The following ALG1L2 variants were observed in gnomAD, a reference collection of about 807,000 sequenced individuals.
The protein encoded by ALG1L2 is putative glycosyltransferase ALG1L2.
Under a neutral mutation model 29.0 loss-of-function variants are expected in ALG1L2, and 32 were observed. That is an observed-to-expected ratio of 1.10 (90% CI 0.83 to 1.48). The LOEUF is 1.48. Among genes scored for constraint, ALG1L2 ranks in the 40% most tolerant of loss-of-function variants. The pLI, the probability that ALG1L2 is intolerant of heterozygous loss-of-function variation, is 0.00. For missense variants in ALG1L2, 318 were observed against 274.1 expected (o/e 1.16, Z -1.13); for synonymous variants, 110 against 109.5 (o/e 1.00, Z -0.03).
Position 130,091,353 on chromosome 3 carries a change from ACT to A in ALG1L2, c.117_118del (p.Pro40ValfsTer8). 1.3e-6 allele frequency: 2 copies of A among 1,596,884 alleles called. No homozygotes were observed. The highest frequency in any genetic ancestry group is 3.3e-5 in the Admixed American group (2 of 59,976). ...CTCTTCATGAAGCTGGGCAGCACGC[ACT>A]CTCCGTTCAGGGCCCGGTAGGCCTC... On this transcript the variant is annotated frameshift_variant, in exon 2 of 8. Transcript: ENST00000425059. LOFTEE classifies it high-confidence loss of function.
intron 7 of ALG1L2, among the ~76,000 whole-genome samples, chr3:130,097,881 C>G (rs1006279029): frequency 3.3e-5 from 5 of 152,202 alleles, no homozygotes; most frequent in African/African-American, 1.2e-4. Flanking sequence ...TTGATTCAGA[C>G]AGTTTAGCAA....
chr3:130,094,754 C>T (rs893499630), intron 5 of ALG1L2, among the ~76,000 whole-genome samples: 7 of 152,192 alleles, frequency 4.6e-5, no homozygotes, highest in African/African-American at 1.7e-4. Context: ...GCCTGCCACG[C>T]CCTCCATTCA....
intron 1 of ALG1L2, among the ~76,000 whole-genome samples, chr3:130,084,401 G>T (rs1386095889): frequency 1.3e-5 from 2 of 148,746 alleles, no homozygotes; most frequent in East Asian, 3.9e-4. Flanking sequence ...AAAGGGGAGA[G>T]GGAAGGTGAC....
Position 130,096,050 on chromosome 3 carries a change from G to T in ALG1L2, c.426G>T (p.Gly142=), listed in dbSNP as rs925331215. ...LEGRGLPPLL[G]SVDLDVCLDT... ...GGCCACACCCCTCTTGCCTAGCAGGGTCGGTGGACCTGGATGTCTGTCTGG... is the reference window on the plus strand; with the variant it reads ...GGCCACACCCCTCTTGCCTAGCAGGTTCGGTGGACCTGGATGTCTGTCTGG... Residue 142 remains glycine (G), a splice_region_variant and synonymous_variant, in exon 6 of 8, where the codon GGG becomes GGT. Transcript: ENST00000425059. The T allele has an allele frequency of 1.2e-6, 2 of 1,609,654 alleles. No individual in the cohort carries two copies. The highest frequency in any genetic ancestry group is 2.2e-5 in the East Asian group (1 of 44,862).
intron 3 of ALG1L2, among the ~76,000 whole-genome samples, chr3:130,092,512 G>A (rs984122506): frequency 7.9e-5 from 12 of 152,032 alleles, no homozygotes; most frequent in African/African-American, 2.7e-4. Flanking sequence ...CTGCTTGCCT[G>A]GTCTGCAGCA....
rs142692234 is a variant in ALG1L2 at position 130,086,539 on chromosome 3, C to T, written c.20+4503C>T. Among the ~76,000 whole-genome samples the T allele has an allele frequency of 4.0e-3, 595 of 149,850 alleles. 2 individuals carry two copies. Among genetic ancestry groups the T allele is most frequent in the African/African-American group, 0.014 (563 of 40,230 alleles). On this transcript the variant is annotated intron_variant, in intron 1 of 7. Transcript: ENST00000425059. ...CTAAATAAAATAAATTAGCCAGGTG[C>T]AGTGGTGCACACCTGTAGTCCCAGC...
chr3:130,087,804 C>T (rs1167362781), intron 1 of ALG1L2, among the ~76,000 whole-genome samples: 2 of 99,028 alleles, frequency 2.0e-5, no homozygotes, highest in Non-Finnish European at 2.5e-5. Flanking sequence ...CTGCAGGTGT[C>T]GACCTTGGCA....
chr3:130,092,314 AC>A, intron 3 of ALG1L2, 92 bp downstream of exon 3: 1 of 1,589,858 alleles, frequency 6.3e-7, no homozygotes, highest in Non-Finnish European at 8.6e-7. Context: ...GCATGCCCCA[AC>A]CCCACCACGG....
chr3:130,094,292 G>T, intron 4 of ALG1L2, 111 bp from the exon 5 acceptor site: 3 of 1,366,144 alleles, frequency 2.2e-6, no homozygotes, highest in Non-Finnish European at 3.1e-6. Flanking sequence ...AGCTGCCGAG[G>T]GGTGGAGCTT....
intron 1 of ALG1L2, 85 bp from the exon 2 acceptor site, chr3:130,091,176 G>C: frequency 7.7e-7 from 1 of 1,295,254 alleles, no homozygotes; most frequent in Non-Finnish European, 1.1e-6. Flanking sequence ...GGTGACGTTG[G>C]GCATGGAACC....
At chr3:130,090,382 A>AAATAAT in intron 1 of ALG1L2, among the ~76,000 whole-genome samples, 3 of 152,298 alleles carry the variant, frequency 2.0e-5, no homozygotes, top group Non-Finnish European at 4.4e-5. Flanking sequence ...ATAAAAATAA[A>AAATAAT]TTGAGGAAGG....
chr3:130,093,280 C>T (rs1298706984), intron 4 of ALG1L2, 120 bp downstream of exon 4: 1 of 1,242,614 alleles, frequency 8.0e-7, no homozygotes, highest in East Asian at 2.4e-5. Flanking sequence ...CAGCTCTCTG[C>T]CATAGGGTCT....
intron 1 of ALG1L2, among the ~76,000 whole-genome samples, chr3:130,088,021 G>A (rs143207919): frequency 1.0e-3 from 158 of 152,418 alleles, no homozygotes; most frequent in African/African-American, 3.5e-3. Context: ...TCTAGGCTGG[G>A]GACTTTCTGA....
rs751013798 is a variant in ALG1L2 at position 130,093,195 on chromosome 3, G to A, written c.313+35G>A. 2.5e-6 allele frequency: 4 copies of A among 1,604,462 alleles called. No homozygotes were observed. The East Asian group carries it at 8.9e-5, about 36-fold the overall frequency. The stretch of plus-strand genomic sequence containing the variant: ...GGGACCCTGGGTGTCTGTTTGGTTG[G>A]GGGATGGTGGAGGGGGAGGGGCACA... On this transcript the variant is annotated intron_variant, in intron 4 of 7. Transcript: ENST00000425059.
intron 7 of ALG1L2, 25 bp from the exon 8 acceptor site, chr3:130,098,198 C>A (rs771283987): frequency 1.3e-5 from 20 of 1,596,270 alleles, no homozygotes; most frequent in Non-Finnish European, 1.5e-5. Context: ...TGGGGACAGG[C>A]AATGAGGTAA....
chr3:130,097,268 C>A lies in ALG1L2; in HGVS notation c.615+18C>A. The A allele has an allele frequency of 1.9e-6, 3 of 1,604,740 alleles. No individual in the cohort carries two copies. Among genetic ancestry groups the A allele is most frequent in the South Asian group, 2.2e-5 (2 of 90,966 alleles). The stretch of plus-strand genomic sequence containing the variant: ...AGCTGCAGGTAGCCATGTCTGCCAC[C>A]ACGCCAGGGTGGACAGGGTTCTGGA... On this transcript the variant is annotated intron_variant, in intron 7 of 7. Transcript: ENST00000425059.
chr3:130,093,406 C>CT (rs958374294), intron 4 of ALG1L2, among the ~76,000 whole-genome samples: 11 of 148,138 alleles, frequency 7.4e-5, no homozygotes, highest in Admixed American at 4.8e-4. Flanking sequence ...TTCCAAGCAT[C>CT]TTTTTTTTGT....
chr3:130,088,288 C>A (rs1484548361), intron 1 of ALG1L2, among the ~76,000 whole-genome samples: 1 of 152,302 alleles, frequency 6.6e-6, no homozygotes, highest in African/African-American at 2.4e-5. Context: ...GTGTCCCCAC[C>A]CAAATCTCTA....
In ALG1L2 at chr3:130,091,490, C is replaced by G. The variant is rs138936944; in HGVS notation, c.131+119C>G. On this transcript the variant is annotated intron_variant, in intron 2 of 7. Transcript: ENST00000425059. ...GGATTGGCAAACTAAGGCTACAGGC[C>G]AGTCTCCTGCTTTTGTAAATCAAGT... 0.067 allele frequency: 70,673 copies of G among 1,055,984 alleles called. 3,010 individuals carry two copies. Among genetic ancestry groups the G allele is most frequent in the East Asian group, 0.2 (7,616 of 38,788 alleles). The allele number at this position is 1,055,984 out of a possible 1,614,324, so 65.4% of individuals were successfully genotyped here.
Sources: gnomAD v4.1 joint callset for allele counts (sites outside exome capture counted in the v4.1 genomes callset) on GRCh38, gnomAD v4.1.1 for gene constraint, MANE v1.5 for transcripts, NCBI Gene and HGNC (gene_info 2026-07-23, HGNC 2026-07-21) for gene names.